Variants in MLF1 observed in about 807,000 individuals in gnomAD.
The protein encoded by MLF1 is myelodysplasia-myeloid leukemia factor 1.
In MLF1, 37 loss-of-function variants were observed where a neutral mutation model predicts 38.3. The observed-to-expected ratio is 0.96, with a 90% CI of 0.74 to 1.27. MLF1 has a LOEUF of 1.27. Ranked by LOEUF, MLF1 falls within the 50% of genes most tolerant of loss-of-function variation. The pLI is 0.00. For missense variants in MLF1, 331 were observed against 349.2 expected, an observed-to-expected ratio of 0.95 and a Z score of 0.42; for synonymous variants, 95 against 106.5, an observed-to-expected ratio of 0.89 and a Z score of 0.66.
At chr3:158,598,304 A>T (rs2108640152) in intron 5 of MLF1, 96 bp downstream of exon 5, 206 of 871,638 alleles carry the variant, frequency 2.4e-4, no homozygotes, top group Middle Eastern at 5.2e-4. Flanking sequence ...ATCTGGTACA[A>T]GATGGTGGGG....
At chr3:158,582,289 C>T (rs9854253) in intron 1 of MLF1, among the ~76,000 whole-genome samples, 14,067 of 150,232 alleles carry the variant, frequency 0.094, 750 homozygotes, top group Middle Eastern at 0.15. Flanking sequence ...ACTTCCAAAA[C>T]TGAAAATCAA....
Position 158,603,854 on chromosome 3 carries a change from A to G in MLF1, c.746+915A>G, listed in dbSNP as rs572412958. Reference sequence around the variant, plus strand: ...ACTCCATCTCAAAAATAAATAAATAAATATTATAGAGTTTTTAAATACATT... The same window carrying G: ...ACTCCATCTCAAAAATAAATAAATAGATATTATAGAGTTTTTAAATACATT... On this transcript the variant is annotated intron_variant, in intron 7 of 7. Coordinates refer to ENST00000466246, the MANE Select transcript of MLF1 (RefSeq NM_001369783.1). Among the ~76,000 whole-genome samples the G allele has an allele frequency of 2.0e-5, 3 of 152,218 alleles. No individual in the cohort carries two copies. In the South Asian group the frequency reaches 6.2e-4, roughly 32 times the overall value.
At chr3:158,589,303 C>G (rs1717779111) in intron 1 of MLF1, among the ~76,000 whole-genome samples, 1 of 152,068 alleles carries the variant, frequency 6.6e-6, no homozygotes, top group Admixed American at 6.5e-5. Flanking sequence ...CCTCCACTTC[C>G]CGGGTTTAAG....
intron 1 of MLF1, among the ~76,000 whole-genome samples, chr3:158,572,576 T>G: frequency 1.3e-5 from 1 of 75,952 alleles, no homozygotes. Flanking sequence ...GAGAGCATGA[T>G]GTGGGAGGAG....
intron 6 of MLF1, among the ~76,000 whole-genome samples, chr3:158,601,168 C>T (rs1719690264): frequency 6.6e-6 from 1 of 152,070 alleles, no homozygotes; most frequent in African/African-American, 2.4e-5. Flanking sequence ...GGCACGGTGG[C>T]TCATGCCTGT....
intron 1 of MLF1, among the ~76,000 whole-genome samples, chr3:158,588,610 A>G (rs1303328399): frequency 1.0e-5 from 1 of 95,982 alleles, no homozygotes; most frequent in South Asian, 3.5e-4. Context: ...CAAAAAAAAA[A>G]AAAAAAAAAA....
intron 3 of MLF1, among the ~76,000 whole-genome samples, chr3:158,593,727 G>A (rs1012661226): frequency 1.3e-5 from 2 of 152,186 alleles, no homozygotes; most frequent in African/African-American, 2.4e-5. Context: ...GAAAGTTGGG[G>A]ACTTCCACAT....
chr3:158,585,959 C>T (rs1001179902), intron 1 of MLF1, among the ~76,000 whole-genome samples: 4 of 151,990 alleles, frequency 2.6e-5, no homozygotes, highest in Non-Finnish European at 5.9e-5. Flanking sequence ...GTCAGGAGTT[C>T]GAGACCAGCC....
chr3:158,603,847 A>G (rs1329869777), intron 7 of MLF1, among the ~76,000 whole-genome samples: 1 of 152,100 alleles, frequency 6.6e-6, no homozygotes, highest in East Asian at 1.9e-4. Flanking sequence ...TCAAAAATAA[A>G]TAAATAAATA....
At chr3:158,584,715 A>G (rs1326598926) in intron 1 of MLF1, among the ~76,000 whole-genome samples, 1 of 150,338 alleles carries the variant, frequency 6.7e-6, no homozygotes, top group Non-Finnish European at 1.5e-5. Flanking sequence ...TTTTTTATGT[A>G]TATACCCCCC....
chr3:158,585,040 AAAAAAAAAAAAAAAAG>A (rs1717029214), intron 1 of MLF1, among the ~76,000 whole-genome samples: 2 of 86,562 alleles, frequency 2.3e-5, no homozygotes, highest in Non-Finnish European at 4.2e-5. Context: ...TCTGTCTGAA[AAAAAAAAAAAAAAAAG>A]AAAAAGAAAA....
chr3:158,578,475 TGTATGTAC>T (rs1715811686), intron 1 of MLF1, among the ~76,000 whole-genome samples: 1 of 150,968 alleles, frequency 6.6e-6, no homozygotes, highest in African/African-American at 2.5e-5. Flanking sequence ...CTTAAACACA[TGTATGTAC>T]GTATGTACAT....
intron 6 of MLF1, among the ~76,000 whole-genome samples, chr3:158,601,103 C>G (rs1719678467): frequency 6.6e-6 from 1 of 151,838 alleles, no homozygotes; most frequent in South Asian, 2.1e-4. Flanking sequence ...TAATGTTTTT[C>G]CATAATAGAG....
chr3:158,590,800 T>G, intron 1 of MLF1: 1 of 455,468 alleles, frequency 2.2e-6, no homozygotes, highest in Non-Finnish European at 4.4e-6. Flanking sequence ...TTAATTATGG[T>G]GGAGGTTATG....
In MLF1 at chr3:158,605,277, C is replaced by T. The variant is rs1487407480; in HGVS notation, c.*75C>T. 2.6e-6 allele frequency: 3 copies of T among 1,133,772 alleles called. No homozygotes were observed. The Admixed American group carries it at 6.7e-5, about 25-fold the overall frequency. 70.2% of individuals were successfully genotyped at this position (1,133,772 alleles called of 1,614,324 possible). ...ATGGTGCTGGGTAATAAGCATAAGA[C>T]CAATCTCTTGCTGTTAAATCAGTTC... On this transcript the variant is annotated 3_prime_UTR_variant, in exon 8 of 8. Coordinates refer to ENST00000466246, the MANE Select transcript of MLF1 (RefSeq NM_001369783.1).
Position 158,605,558 on chromosome 3 carries a change from G to A in MLF1, c.*356G>A, listed in dbSNP as rs1720406825. On this transcript the variant is annotated 3_prime_UTR_variant, in exon 8 of 8. Coordinates refer to ENST00000466246, the MANE Select transcript of MLF1 (RefSeq NM_001369783.1). The stretch of plus-strand genomic sequence containing the variant: ...AGAGCAGTTCTATCACTTATAATTA[G>A]TTATAAGAAATTATAATGTTAAAAA... 1.4e-5 allele frequency: 3 copies of A among 207,588 alleles called. No homozygotes were observed. The highest frequency in any genetic ancestry group is 2.9e-5 in the Non-Finnish European group (3 of 102,400). 12.9% of individuals were successfully genotyped at this position (207,588 alleles called of 1,614,324 possible).
chr3:158,597,658 C>A (rs1196729679), intron 4 of MLF1, among the ~76,000 whole-genome samples: 1 of 151,990 alleles, frequency 6.6e-6, no homozygotes, highest in Middle Eastern at 3.2e-3. Flanking sequence ...GGAGGAGGTA[C>A]GAAACTTGAT....
Position 158,605,083 on chromosome 3 carries a change from T to C in MLF1, c.747-14T>C. Reference sequence around the variant, plus strand: ...TTTTTAAATGATATTAATATTCACATGTATATTTCTCAGGGAGAAACCTCA... The same window carrying C: ...TTTTTAAATGATATTAATATTCACACGTATATTTCTCAGGGAGAAACCTCA... On this transcript the variant is annotated splice_polypyrimidine_tract_variant and intron_variant, in intron 7 of 7. Coordinates refer to ENST00000466246, the MANE Select transcript of MLF1 (RefSeq NM_001369783.1). 6.3e-7 allele frequency: 1 copy of C among 1,583,270 alleles called. No individual in the cohort carries two copies. The highest frequency in any genetic ancestry group is 1.3e-5 in the African/African-American group (1 of 74,364).
At chr3:158,580,996 AAT>A (rs1232037465) in intron 1 of MLF1, among the ~76,000 whole-genome samples, 1 of 152,128 alleles carries the variant, frequency 6.6e-6, no homozygotes, top group East Asian at 1.9e-4. Flanking sequence ...ACTTCACGCT[AAT>A]AACAAATTAA....
Sources: gnomAD v4.1 joint callset for allele counts (sites outside exome capture counted in the v4.1 genomes callset) on GRCh38, gnomAD v4.1.1 for gene constraint, MANE v1.5 for transcripts, NCBI Gene and HGNC (gene_info 2026-07-23, HGNC 2026-07-21) for gene names.